PTPRT: variants seen among roughly 807,000 people sequenced by gnomAD.
PTPRT encodes protein tyrosine phosphatase receptor type T, also known as receptor-type tyrosine-protein phosphatase T.
Under a neutral mutation model 176.8 loss-of-function variants are expected in PTPRT, and 56 were observed. That is an observed-to-expected ratio of 0.32 (90% CI 0.26 to 0.40). The LOEUF (loss-of-function observed/expected upper bound fraction) is 0.40. Among genes scored for constraint, PTPRT ranks in the 10% least tolerant of loss-of-function variants. The probability of loss-of-function intolerance (pLI) is 1.00; values close to 1 mark genes in which losing one functional copy is unlikely to be tolerated. For missense variants in PTPRT, 1,540 were observed against 1,908.2 expected (o/e 0.81, Z 3.60); for synonymous variants, 783 against 739.0 (o/e 1.06, Z -0.96).
chr20:42,978,120 C>G (rs1209890026), intron 1 of PTPRT, among the ~76,000 whole-genome samples: 3 of 152,044 alleles, frequency 2.0e-5, no homozygotes, highest in Non-Finnish European at 4.4e-5. Flanking sequence ...TTGGATAGTA[C>G]CCAACCTTAT....
chr20:42,873,827 T>G (rs370847915), intron 2 of PTPRT, among the ~76,000 whole-genome samples: 2 of 152,228 alleles, frequency 1.3e-5, no homozygotes, highest in South Asian at 4.1e-4. Flanking sequence ...TTTTCCAGAT[T>G]GTTGGACTTT....
chr20:42,219,958 C>T (rs1600693593), intron 15 of PTPRT, among the ~76,000 whole-genome samples: 1 of 152,124 alleles, frequency 6.6e-6, no homozygotes, highest in South Asian at 2.1e-4. Flanking sequence ...CCTAACACAT[C>T]GTTCATGCAG....
chr20:43,009,571 G>A (rs1985019673), intron 1 of PTPRT, among the ~76,000 whole-genome samples: 1 of 152,234 alleles, frequency 6.6e-6, no homozygotes, highest in Non-Finnish European at 1.5e-5. Flanking sequence ...GGAGAATGGT[G>A]TAAGATGAAC....
chr20:42,836,920 G>C (rs955213298), intron 2 of PTPRT, among the ~76,000 whole-genome samples: 1 of 152,182 alleles, frequency 6.6e-6, no homozygotes, highest in Non-Finnish European at 1.5e-5. Flanking sequence ...TAAGGAAATT[G>C]AGGTACAGAA....
chr20:42,248,258 G>A (rs2056487849), intron 14 of PTPRT, among the ~76,000 whole-genome samples: 1 of 152,156 alleles, frequency 6.6e-6, no homozygotes, highest in Non-Finnish European at 1.5e-5. Flanking sequence ...TTTGACCAGT[G>A]GAAATCAGGG....
At chr20:42,703,252 C>A (rs563282215) in intron 6 of PTPRT, among the ~76,000 whole-genome samples, 13 of 151,852 alleles carry the variant, frequency 8.6e-5, no homozygotes, top group Admixed American at 2.6e-4. Flanking sequence ...ACAGACACAC[C>A]AGAATTCTAT....
intron 9 of PTPRT, among the ~76,000 whole-genome samples, chr20:42,363,760 A>T (rs182206220): frequency 1.2e-4 from 18 of 152,256 alleles, no homozygotes; most frequent in Admixed American, 8.5e-4. Flanking sequence ...TGCGGATGAG[A>T]AAACTGAGAC....
Position 43,146,522 on chromosome 20 carries a change from A to G in PTPRT, c.88+43124T>C, listed in dbSNP as rs564996950. Reference sequence around the variant, plus strand: ...TAGGCCACTCTCCAAACACTAGTGGATGTCACGACAAAATAAAGACTCTTC... The same window carrying G: ...TAGGCCACTCTCCAAACACTAGTGGGTGTCACGACAAAATAAAGACTCTTC... On this transcript the variant is annotated intron_variant, in intron 1 of 30. Transcript: ENST00000373187. Among the ~76,000 whole-genome samples the G allele has an allele frequency of 7.3e-5, 11 of 151,690 alleles. No individual in the cohort carries two copies. The South Asian group carries it at 2.3e-3, about 32-fold the overall frequency.
At chr20:42,557,112 T>C (rs570422317) in intron 7 of PTPRT, among the ~76,000 whole-genome samples, 8 of 152,248 alleles carry the variant, frequency 5.3e-5, no homozygotes, top group Non-Finnish European at 1.2e-4. Context: ...AGCTCTTCCA[T>C]GGAAAGGCTG....
At chr20:42,802,242 T>C (rs2077541244) in intron 2 of PTPRT, among the ~76,000 whole-genome samples, 1 of 152,218 alleles carries the variant, frequency 6.6e-6, no homozygotes, top group African/African-American at 2.4e-5. Flanking sequence ...TGGTCTCTAA[T>C]TCCCCAGCCC....
chr20:42,597,389 G>A (rs569873459), intron 7 of PTPRT, among the ~76,000 whole-genome samples: 4 of 152,070 alleles, frequency 2.6e-5, no homozygotes, highest in African/African-American at 7.2e-5. Context: ...ATTCTATGGC[G>A]ATATGGTTTG....
At chr20:42,799,208 A>G (rs1050148338) in intron 2 of PTPRT, among the ~76,000 whole-genome samples, 2 of 151,976 alleles carry the variant, frequency 1.3e-5, no homozygotes, top group African/African-American at 4.8e-5. Flanking sequence ...AAAGAGGCAG[A>G]AGGAGAAGCA....
chr20:42,998,726 AAAGT>A (rs1265668537), intron 1 of PTPRT, among the ~76,000 whole-genome samples: 8 of 152,238 alleles, frequency 5.3e-5, no homozygotes, highest in Admixed American at 3.3e-4. Context: ...ATTTAAGAAT[AAAGT>A]AACTCTGAAA....
intron 1 of PTPRT, among the ~76,000 whole-genome samples, chr20:43,026,255 T>C (rs192266920): frequency 6.6e-6 from 1 of 152,156 alleles, no homozygotes; most frequent in Admixed American, 6.5e-5. Flanking sequence ...GTAGCTGGGA[T>C]TACAGATGCG....
chr20:42,139,352 G>C (rs1988519186), intron 18 of PTPRT, among the ~76,000 whole-genome samples: 1 of 152,202 alleles, frequency 6.6e-6, no homozygotes, highest in Non-Finnish European at 1.5e-5. Context: ...GGGTTCCTCA[G>C]AAGTAGATCT....
chr20:43,105,883 TG>T (rs202143311), intron 1 of PTPRT, among the ~76,000 whole-genome samples: 1,677 of 152,296 alleles, frequency 0.011, 39 homozygotes, highest in African/African-American at 0.038. Flanking sequence ...TCTTCATTCT[TG>T]GGTGGTTAAG....
rs1194660056 is a variant in PTPRT, at chr20:42,601,842, TCTCTGGCA to T, written c.1153+76016_1153+76023del. Among the ~76,000 whole-genome samples the T allele has an allele frequency of 3.3e-5, 5 of 152,156 alleles. No homozygotes were observed. The East Asian group carries it at 9.6e-4, about 29-fold the overall frequency. On this transcript the variant is annotated intron_variant, in intron 7 of 30. Transcript: ENST00000373187. ...TTAGGTGTGCTGGTTCCCAAGAACA[TCTCTGGCA>T]CTCTTTTGTCTCTAGCTATCAATTT...
intron 1 of PTPRT, among the ~76,000 whole-genome samples, chr20:43,080,523 CT>C (rs1568772365): frequency 6.6e-6 from 1 of 152,146 alleles, no homozygotes. Context: ...GGTTATTCTC[CT>C]TTTGTCTGTT....
intron 1 of PTPRT, among the ~76,000 whole-genome samples, chr20:42,912,161 T>C (rs1251054341): frequency 2.6e-5 from 4 of 152,136 alleles, no homozygotes; most frequent in African/African-American, 9.7e-5. Context: ...CAATTAACAC[T>C]ACTATCTGCA....
Sources: gnomAD v4.1 joint callset for allele counts (sites outside exome capture counted in the v4.1 genomes callset) on GRCh38, gnomAD v4.1.1 for gene constraint, MANE v1.5 for transcripts, NCBI Gene and HGNC (gene_info 2026-07-23, HGNC 2026-07-21) for gene names.